Variants in ANKRD26 observed in about 807,000 individuals in gnomAD.
ANKRD26 encodes the protein ankyrin repeat domain-containing protein 26.
In ANKRD26, 141 loss-of-function variants were observed where a neutral mutation model predicts 208.7. The ratio of observed to expected loss-of-function variants is 0.68; its 90% CI spans 0.59 to 0.78. The LOEUF (loss-of-function observed/expected upper bound fraction) is 0.78, where lower values mean the gene tolerates loss of function less well. ANKRD26 is among the 30% of genes least tolerant of loss of function. ANKRD26 has a pLI of 0.00. For missense variants in ANKRD26, 1,889 were observed against 1,938.7 expected (o/e 0.97, Z 0.48); for synonymous variants, 636 against 660.4 (o/e 0.96, Z 0.57).
intron 9 of ANKRD26, among the ~76,000 whole-genome samples, chr10:27,070,339 G>C (rs2055436082): frequency 1.3e-5 from 2 of 151,320 alleles, no homozygotes; most frequent in African/African-American, 2.4e-5. Flanking sequence ...AGCAGAGGTT[G>C]CAACAAGCTG....
intron 25 of ANKRD26, 126 bp downstream of exon 25, chr10:27,033,099 T>C (rs1451252135): frequency 5.2e-6 from 3 of 572,266 alleles, no homozygotes; most frequent in African/African-American, 4.0e-5. Context: ...AAAAAAAAGA[T>C]AATAAAATTT....
At position 27,082,032 on chromosome 10, in the gene ANKRD26, A is replaced by G. The variant is rs1036229023; in HGVS notation, c.740+771T>C. 8.4e-5 allele frequency among the ~76,000 whole-genome samples: 12 copies of G among 143,592 alleles called. 1 individual carries two copies. The highest frequency in any genetic ancestry group is 4.4e-4 in the East Asian group (2 of 4,518). 94.2% of individuals were successfully genotyped at this position (143,592 alleles called of 152,430 possible). A position where few individuals can be genotyped will look rare whatever the true frequency, so the allele number is the denominator to read the frequency against. On this transcript the variant is annotated intron_variant, in intron 6 of 33. Transcript: ENST00000376087. ...ATTACAGTTGTGAGCCACCACGCCCAGCCCTATGCAGTTATTTAAAAAAAA... is the reference window on the plus strand; with the variant it reads ...ATTACAGTTGTGAGCCACCACGCCCGGCCCTATGCAGTTATTTAAAAAAAA...
chr10:26,972,184 G>T (rs896679417), downstream of ANKRD26, among the ~76,000 whole-genome samples: 2 of 149,090 alleles, frequency 1.3e-5, no homozygotes, highest in East Asian at 2.0e-4. Context: ...GCAGTGAGCC[G>T]AGATCGTGCC....
chr10:26,959,289 A>AG, the ANKRD26 span, among the ~76,000 whole-genome samples: 1 of 151,908 alleles, frequency 6.6e-6, no homozygotes, highest in African/African-American at 2.4e-5. Context: ...AAAAAAAAAA[A>AG]AAAGAAAGAA....
chr10:27,042,886 A>C (rs569772418), intron 20 of ANKRD26, among the ~76,000 whole-genome samples: 2 of 150,324 alleles, frequency 1.3e-5, no homozygotes, highest in South Asian at 4.2e-4. Flanking sequence ...GAATCGCTTG[A>C]ACCCGGGAGG....
the ANKRD26 span, among the ~76,000 whole-genome samples, chr10:26,963,221 T>C: frequency 1.3e-5 from 2 of 152,208 alleles, no homozygotes; most frequent in Non-Finnish European, 2.9e-5. Flanking sequence ...TGTTGTTCCA[T>C]TTCCTAATAA....
chr10:26,978,561 A>G (rs967329246), intron 5 of ANKRD26, among the ~76,000 whole-genome samples: 3 of 152,182 alleles, frequency 2.0e-5, no homozygotes, highest in Non-Finnish European at 4.4e-5. Context: ...ACTTTCTGGT[A>G]TCTCCCAATT....
At chr10:27,015,955 C>T (rs1315162623) in intron 30 of ANKRD26, among the ~76,000 whole-genome samples, 2 of 152,096 alleles carry the variant, frequency 1.3e-5, no homozygotes, top group Non-Finnish European at 2.9e-5. Flanking sequence ...CTCATATACC[C>T]ATGTGGGTAA....
At chr10:27,071,235 G>A (rs1298636309) in intron 9 of ANKRD26, among the ~76,000 whole-genome samples, 3 of 136,708 alleles carry the variant, frequency 2.2e-5, no homozygotes, top group Admixed American at 8.4e-5. Flanking sequence ...GCGCGATCTC[G>A]GCTCACTGCA....
In ANKRD26 at chr10:27,005,733, AAAAG is replaced by A. The variant is rs763309803; in HGVS notation, c.5000-14_5000-11del. On this transcript the variant is annotated splice_polypyrimidine_tract_variant and intron_variant, in intron 33 of 33. Transcript: ENST00000376087. ...TCCAATTCAGCAGCAGCTAGAATGAAAAAGAAAGAATTATATTCCTTACCTAAAA... is the reference window on the plus strand; with the variant it reads ...TCCAATTCAGCAGCAGCTAGAATGAAAAAGAATTATATTCCTTACCTAAAA... 6.2e-6 allele frequency: 10 copies of A among 1,605,098 alleles called. No individual in the cohort carries two copies. In the South Asian group the frequency reaches 6.8e-5, roughly 11 times the overall value.
chr10:26,956,994 C>T, the ANKRD26 span, among the ~76,000 whole-genome samples: 1 of 152,210 alleles, frequency 6.6e-6, no homozygotes, highest in South Asian at 2.1e-4. Flanking sequence ...CTTTGAATGA[C>T]ATTGAGAATA....
intron 32 of ANKRD26, among the ~76,000 whole-genome samples, chr10:27,008,670 A>G (rs1589202641): frequency 6.6e-6 from 1 of 152,202 alleles, no homozygotes; most frequent in African/African-American, 2.4e-5. Context: ...AATATTGAAG[A>G]AATCTTAACT....
chr10:27,033,303 C>G lies in ANKRD26; in HGVS notation c.3729G>C (p.Glu1243Asp). 6.2e-7 allele frequency: 1 copy of G among 1,612,782 alleles called. No homozygotes were observed. Among genetic ancestry groups the G allele is most frequent in the Non-Finnish European group, 8.5e-7 (1 of 1,179,140 alleles). Residue 1243 changes from glutamate to aspartate, a missense_variant, in exon 25 of 34, where the codon GAG (glutamate) becomes GAC (aspartate). By Grantham distance (45) the Glu-to-Asp change is conservative. Transcript: ENST00000376087. ...KKQSMSEASL[E>D]VTSRYRINLE... ...AATTAATACGATAACGTGACGTAAC[C>G]TCCAGTGAAGCCTCTGACATAGATT...
At chr10:27,041,032 G>GAA (rs1358103997) in intron 20 of ANKRD26, among the ~76,000 whole-genome samples, 4 of 120,770 alleles carry the variant, frequency 3.3e-5, no homozygotes, top group Non-Finnish European at 3.5e-5. Flanking sequence ...CTCTGCCTCA[G>GAA]AAAAAAAAAA....
chr10:27,013,259 G>A, intron 31 of ANKRD26, 149 bp from the exon 32 acceptor site: 1 of 720,508 alleles, frequency 1.4e-6, no homozygotes. Context: ...GTCAGACCAT[G>A]CCTACTGTAT....
At chr10:27,098,607 G>A (rs2056543700) in intron 1 of ANKRD26, among the ~76,000 whole-genome samples, 1 of 148,984 alleles carries the variant, frequency 6.7e-6, no homozygotes, top group African/African-American at 2.5e-5. Flanking sequence ...GGAGTGCAGT[G>A]GCGTGATCTC....
chr10:27,020,898 G>C (rs1258416598), intron 29 of ANKRD26, among the ~76,000 whole-genome samples: 2 of 152,010 alleles, frequency 1.3e-5, no homozygotes, highest in African/African-American at 4.8e-5. Flanking sequence ...CTGACTTCAG[G>C]TGATCAGCCT....
At chr10:26,990,288 C>T (rs1365715103), downstream of ANKRD26, among the ~76,000 whole-genome samples, 1 of 152,140 alleles carries the variant, frequency 6.6e-6, no homozygotes, top group Non-Finnish European at 1.5e-5. Context: ...AACTTATGTT[C>T]CACAGCTGTG....
intron 30 of ANKRD26, among the ~76,000 whole-genome samples, chr10:27,017,082 T>C (rs1191830191): frequency 6.6e-6 from 1 of 152,202 alleles, no homozygotes; most frequent in African/African-American, 2.4e-5. Flanking sequence ...TAGTCCCAGC[T>C]ATCCAAAGGC....
Sources: gnomAD v4.1 joint callset for allele counts (sites outside exome capture counted in the v4.1 genomes callset) on GRCh38, gnomAD v4.1.1 for gene constraint, MANE v1.5 for transcripts, NCBI Gene and HGNC (gene_info 2026-07-23, HGNC 2026-07-21) for gene names.